Variants in ADAMTS15 observed in about 807,000 individuals in gnomAD.
The protein encoded by ADAMTS15 is A disintegrin and metalloproteinase with thrombospondin motifs 15.
In ADAMTS15, 35 loss-of-function variants were observed where a neutral mutation model predicts 79.1. The ratio of observed to expected loss-of-function variants is 0.44; its 90% CI spans 0.34 to 0.59. The LOEUF is 0.59. Ranked by LOEUF, ADAMTS15 falls within the 20% of genes least tolerant of loss-of-function variation. ADAMTS15 has a pLI of 0.02. For missense variants in ADAMTS15, 1,324 were observed against 1,318.7 expected, an observed-to-expected ratio of 1.00 and a Z score of -0.06; for synonymous variants, 616 against 567.3, an observed-to-expected ratio of 1.09 and a Z score of -1.22.
chr11:130,461,172 C>T (rs1938191372), intron 1 of ADAMTS15, among the ~76,000 whole-genome samples: 1 of 152,310 alleles, frequency 6.6e-6, no homozygotes, highest in African/African-American at 2.4e-5. Context: ...GGCCGTCTCT[C>T]TATAAAGTAG....
chr11:130,471,203 T>C lies in ADAMTS15; in HGVS notation c.1903-5T>C. Reference sequence around the variant, plus strand: ...CCTTCTTTTTCCCCTTCTGGGGTGCTGCAGGTGGTGGACGGCACGCTGTGC... The same window carrying C: ...CCTTCTTTTTCCCCTTCTGGGGTGCCGCAGGTGGTGGACGGCACGCTGTGC... On this transcript the variant is annotated splice_region_variant and splice_polypyrimidine_tract_variant and intron_variant, in intron 6 of 7. Transcript: ENST00000299164. 1 of 1,592,932 alleles carries C rather than the reference T, an allele frequency of 6.3e-7. No homozygotes were observed. Among genetic ancestry groups the C allele is most frequent in the Middle Eastern group, 1.7e-4 (1 of 5,962 alleles).
Position 130,462,904 on chromosome 11 carries a change from T to C in ADAMTS15, c.1542+124T>C. On this transcript the variant is annotated intron_variant, in intron 4 of 7. Transcript: ENST00000299164. This position sits in a 1 kb window ranked among gnomAD's most constrained non-coding sequence, Gnocchi z 4.3. The stretch of plus-strand genomic sequence containing the variant: ...CACAGACTGGCCACGGGACCAGCAC[T>C]GTTGCATGGCTGAGCTGTGCCTTCA... The C allele has an allele frequency of 7.6e-7, 1 of 1,322,120 alleles. No individual in the cohort carries two copies. Among genetic ancestry groups the C allele is most frequent in the Admixed American group, 2.3e-5 (1 of 42,642 alleles). The allele number at this position is 1,322,120 out of a possible 1,614,324, so 81.9% of individuals were successfully genotyped here. A position where few individuals can be genotyped will look rare whatever the true frequency, so the allele number is the denominator to read the frequency against.
rs752151897 is a variant in ADAMTS15, at chr11:130,462,278, A to G, written c.1258+24A>G. ...CGGTAAGCCAGGACGGCGGGAGGGC[A>G]ATGAGGCCGCCTCGGAGGGGGCTTT... On this transcript the variant is annotated intron_variant, in intron 3 of 7. Transcript: ENST00000299164. The surrounding 1 kb of genome is among the most constrained non-coding windows in gnomAD (Gnocchi z 4.3). The G allele has an allele frequency of 6.3e-7, 1 of 1,599,264 alleles. No homozygotes were observed. Among genetic ancestry groups the G allele is most frequent in the Non-Finnish European group, 8.5e-7 (1 of 1,170,794 alleles).
At chr11:130,468,957 A>AAAAAAAAAAAAAAAAAAAAAAAAG (rs1938364480) in intron 4 of ADAMTS15, among the ~76,000 whole-genome samples, 2 of 149,846 alleles carry the variant, frequency 1.3e-5, no homozygotes, top group African/African-American at 2.5e-5. Context: ...AAAAAAAAAA[A>AAAAAAAAAAAAAAAAAAAAAAAAG]AAAAAAAAAG....
At position 130,474,290 on chromosome 11, in the gene ADAMTS15, T is replaced by C. The variant is rs1938531728; in HGVS notation, c.*469T>C. ...CACGGTGCTTTTAGCCCACTTTCCT[T>C]TTTGAACTGACATGGACTAAGCAAT... On this transcript the variant is annotated 3_prime_UTR_variant, in exon 8 of 8. Transcript: ENST00000299164. 2.5e-5 allele frequency: 4 copies of C among 160,348 alleles called. No homozygotes were observed. The highest frequency in any genetic ancestry group is 2.4e-4 in the Admixed American group (4 of 16,716). 9.9% of individuals were successfully genotyped at this position (160,348 alleles called of 1,614,324 possible).
In ADAMTS15 at chr11:130,449,382, A is replaced by G; in HGVS notation, c.409A>G (p.Ser137Gly). The G allele has an allele frequency of 1.2e-6, 2 of 1,603,860 alleles. No homozygotes were observed. Among genetic ancestry groups the G allele is most frequent in the South Asian group, 2.2e-5 (2 of 91,062 alleles). ...CTACCGAGGCGCCGAGTATGTCATT[A>G]GCCCGCTGCCCAATGCTAGCGCGCC... Reference protein sequence around the residue: ...FGYRGAEYVISPLPNASAPAA... With the variant: ...FGYRGAEYVIGPLPNASAPAA... The change falls in exon 1 of 8, where the codon AGC becomes GGC. Residue 137 changes from serine (S) to glycine (G), a missense_variant. Ser to Gly is a moderately conservative substitution (Grantham distance 56). Coordinates refer to ENST00000299164, the MANE Select transcript of ADAMTS15 (RefSeq NM_139055.4). The surrounding 1 kb of genome is among the most constrained non-coding windows in gnomAD (Gnocchi z 7.8).
At chr11:130,473,008 G>C (rs1420201911) in intron 7 of ADAMTS15, 39 bp from the exon 8 acceptor site, 4 of 1,604,418 alleles carry the variant, frequency 2.5e-6, no homozygotes, top group Non-Finnish European at 3.4e-6. Context: ...CTCAGGTCCA[G>C]GCTTCTATCT....
rs77956639 is a variant in ADAMTS15 at position 130,462,770 on chromosome 11, A to G, written c.1532A>G (p.Asn511Ser). The G allele has an allele frequency of 2.4e-3, 3,891 of 1,591,718 alleles. 84 individuals carry two copies. In the African/African-American group the frequency reaches 0.047, roughly 19 times the overall value. Residue 511 changes from asparagine (N) to serine (S), a missense_variant, in exon 4 of 8, where the codon AAC (asparagine) becomes AGC (serine). By Grantham distance (46) the Asn-to-Ser change is conservative. Transcript: ENST00000299164. This position sits in a 1 kb window ranked among gnomAD's most constrained non-coding sequence, Gnocchi z 4.3. ...KGACVERHNL[N>S]KHRVDGSWAK... Reference sequence around the variant, plus strand: ...GCCTGCGTGGAGAGACACAACCTCAACAAGCACAGGGTGAGTGAGTGCTGG... The same window carrying G: ...GCCTGCGTGGAGAGACACAACCTCAGCAAGCACAGGGTGAGTGAGTGCTGG...
intron 1 of ADAMTS15, among the ~76,000 whole-genome samples, chr11:130,455,363 A>C (rs1219742836): frequency 6.6e-6 from 1 of 152,170 alleles, no homozygotes; most frequent in African/African-American, 2.4e-5. Context: ...TATGCTTAAC[A>C]TTTGGTCCAA....
chr11:130,454,746 G>GTGC, intron 1 of ADAMTS15, among the ~76,000 whole-genome samples: 1 of 152,196 alleles, frequency 6.6e-6, no homozygotes, highest in Non-Finnish European at 1.5e-5. Context: ...TGCAGGATGA[G>GTGC]TGCTCGCTCT....
Position 130,473,289 on chromosome 11 carries a change from C to T in ADAMTS15, c.2321C>T (p.Pro774Leu). Reference protein sequence around the residue: ...TAVESLQASRPILEPLTVEVL... With the variant: ...TAVESLQASRLILEPLTVEVL... Reference sequence around the variant, plus strand: ...GTGGAGAGCCTGCAGGCTTCCCGGCCCATCCTGGAGCCGCTGACCGTGGAG... The same window carrying T: ...GTGGAGAGCCTGCAGGCTTCCCGGCTCATCCTGGAGCCGCTGACCGTGGAG... The change falls in exon 8 of 8, where the codon CCC becomes CTC. Residue 774 changes from proline to leucine, a missense_variant. Pro to Leu is a moderately conservative substitution (Grantham distance 98). Coordinates refer to ENST00000299164, the MANE Select transcript of ADAMTS15 (RefSeq NM_139055.4). 3.1e-6 allele frequency: 5 copies of T among 1,613,194 alleles called. No individual in the cohort carries two copies. The highest frequency in any genetic ancestry group is 4.2e-6 in the Non-Finnish European group (5 of 1,179,988).
At chr11:130,459,960 T>C (rs189570557) in intron 1 of ADAMTS15, among the ~76,000 whole-genome samples, 26 of 152,312 alleles carry the variant, frequency 1.7e-4, no homozygotes, top group Admixed American at 5.9e-4. Flanking sequence ...TGCAGACACA[T>C]GCTTCTTTGC....
At chr11:130,457,775 G>A (rs1938116985) in intron 1 of ADAMTS15, among the ~76,000 whole-genome samples, 1 of 152,152 alleles carries the variant, frequency 6.6e-6, no homozygotes, top group Non-Finnish European at 1.5e-5. Flanking sequence ...GGCACTGCTG[G>A]GCCCCTGTAT....
In ADAMTS15 at chr11:130,471,382, A is replaced by T; in HGVS notation, c.2077A>T (p.Met693Leu). The T allele has an allele frequency of 6.2e-7, 1 of 1,607,232 alleles. No individual in the cohort carries two copies. The highest frequency in any genetic ancestry group is 8.5e-7 in the Non-Finnish European group (1 of 1,178,470). ...KKVTGLFTKP[M>L]HGYNFVVAIP... Reference sequence around the variant, plus strand: ...GGTGACTGGACTCTTCACCAAGCCCATGTGAGTTCTGGGCCCTGAAGGTCC... The same window carrying T: ...GGTGACTGGACTCTTCACCAAGCCCTTGTGAGTTCTGGGCCCTGAAGGTCC... Residue 693 changes from methionine (M) to leucine (L), a missense_variant and splice_region_variant, in exon 7 of 8, where the codon ATG (methionine) becomes TTG (leucine). By Grantham distance (15) the Met-to-Leu change is conservative (BLOSUM62 2). Transcript: ENST00000299164.
intron 7 of ADAMTS15, 100 bp downstream of exon 7, chr11:130,471,483 A>T: frequency 2.9e-6 from 4 of 1,399,970 alleles, no homozygotes; most frequent in Non-Finnish European, 1.9e-6. Flanking sequence ...TAAATGTCAG[A>T]TCCAGCCAGT....
chr11:130,471,289 A>C lies in ADAMTS15; in HGVS notation c.1984A>C (p.Asn662His), dbSNP rs538068444. The change falls in exon 7 of 8, where the codon AAC (asparagine) becomes CAC (histidine). Residue 662 changes from asparagine (N) to histidine (H), a missense_variant. Physicochemically the swap from Asn to His is moderately conservative, Grantham distance 68 (BLOSUM62 1). Transcript: ENST00000299164. ...GTGCATCAAGGCTGGCTGTGATGGG[A>C]ACCTGGGCTCCAAGAAGAGATTCGA... ...GKCIKAGCDG[N>H]LGSKKRFDKC... 5.8e-5 allele frequency: 94 copies of C among 1,613,172 alleles called. 4 individuals are homozygous for C. The South Asian group carries it at 8.7e-4, about 15-fold the overall frequency.
At chr11:130,459,944 C>T (rs1362057072) in intron 1 of ADAMTS15, among the ~76,000 whole-genome samples, 1 of 152,228 alleles carries the variant, frequency 6.6e-6, no homozygotes, top group Non-Finnish European at 1.5e-5. Context: ...TATACGTGCA[C>T]ATGCATGCAG....
intron 5 of ADAMTS15, among the ~76,000 whole-genome samples, chr11:130,470,164 A>ATATATATATATG (rs1938407500): frequency 5.2e-5 from 3 of 58,244 alleles, no homozygotes; most frequent in African/African-American, 3.2e-4. Context: ...GTATATATAT[A>ATATATATATATG]TATATATATA....
In ADAMTS15 at chr11:130,473,484, C is replaced by T. The variant is rs367588540; in HGVS notation, c.2516C>T (p.Pro839Leu). 66 of 1,611,110 alleles carry T rather than the reference C, an allele frequency of 4.1e-5. No individual in the cohort carries two copies. Among genetic ancestry groups the T allele is most frequent in the Non-Finnish European group, 4.3e-5 (51 of 1,178,870 alleles). Reference sequence around the variant, plus strand: ...CAGGTGGAGCAGCCGGACGACAGGCCCCCTGCACGCTGGGTGGCTGGCAGC... The same window carrying T: ...CAGGTGGAGCAGCCGGACGACAGGCTCCCTGCACGCTGGGTGGCTGGCAGC... ...SNQVEQPDDR[P>L]PARWVAGSWG... The change falls in exon 8 of 8, where the codon CCC becomes CTC. Residue 839 changes from proline (P) to leucine (L), a missense_variant. Transcript: ENST00000299164.
Sources: allele counts gnomAD v4.1 joint callset (sites outside exome capture counted in the v4.1 genomes callset), GRCh38; gene constraint gnomAD v4.1.1; non-coding constraint Gnocchi (gnomAD v3.1); transcripts MANE v1.5; gene names NCBI Gene and HGNC (gene_info 2026-07-23, HGNC 2026-07-21).